Variants in CTNND2 observed in about 807,000 individuals in gnomAD.
CTNND2 encodes catenin delta-2.
Under a neutral mutation model 144.4 loss-of-function variants are expected in CTNND2, and 22 were observed. That is an observed-to-expected ratio of 0.15 (90% CI 0.11 to 0.22). CTNND2 has a LOEUF of 0.22. Ranked by LOEUF, CTNND2 falls within the 10% of genes least tolerant of loss-of-function variation. The probability of loss-of-function intolerance (pLI) is 1.00; values close to 1 mark genes in which losing one functional copy is unlikely to be tolerated. For missense variants in CTNND2, 1,353 were observed against 1,618.8 expected (o/e 0.84, Z 2.82); for synonymous variants, 751 against 695.6 (o/e 1.08, Z -1.25).
chr5:11,349,688 T>C (rs887702039), intron 8 of CTNND2, among the ~76,000 whole-genome samples: 13 of 152,182 alleles, frequency 8.5e-5, no homozygotes, highest in African/African-American at 2.9e-4. Context: ...AACCTGAATA[T>C]TATATTGAAA....
At chr5:11,587,959 T>C (rs1778983067) in intron 2 of CTNND2, among the ~76,000 whole-genome samples, 1 of 152,104 alleles carries the variant, frequency 6.6e-6, no homozygotes, top group Non-Finnish European at 1.5e-5. Flanking sequence ...GTGAAATCTA[T>C]GAAGCCATTG....
chr5:11,083,688 A>G (rs1749836647), intron 15 of CTNND2, among the ~76,000 whole-genome samples: 1 of 152,268 alleles, frequency 6.6e-6, no homozygotes, highest in Admixed American at 6.5e-5. Context: ...GTACAATATA[A>G]AAATTCACAA....
At chr5:11,719,037 G>C (rs905682926) in intron 2 of CTNND2, among the ~76,000 whole-genome samples, 2 of 152,310 alleles carry the variant, frequency 1.3e-5, no homozygotes, top group Admixed American at 1.3e-4. Flanking sequence ...TTTGTAAAAT[G>C]TGTGTTATTA....
Position 11,098,672 on chromosome 5 carries a change from A to C in CTNND2, c.2540T>G (p.Val847Gly). Residue 847 changes from valine (V) to glycine (G), a missense_variant, in exon 15 of 22, where the codon GTC becomes GGC. By Grantham distance (109) the Val-to-Gly change is moderately radical. Transcript: ENST00000304623. ...GIQMLWHPSI[V>G]KPYLTLLSEC... The stretch of plus-strand genomic sequence containing the variant: ...AGAGAGCAGTGTGAGGTAGGGTTTG[A>C]CTATTGATGGGTGCCACAGCATCTG... 6.2e-7 allele frequency: 1 copy of C among 1,614,152 alleles called. No individual in the cohort carries two copies. Among genetic ancestry groups the C allele is most frequent in the Non-Finnish European group, 8.5e-7 (1 of 1,180,006 alleles).
At chr5:11,348,711 C>T (rs949700240) in intron 8 of CTNND2, among the ~76,000 whole-genome samples, 1 of 151,380 alleles carries the variant, frequency 6.6e-6, no homozygotes, top group African/African-American at 2.4e-5. Context: ...ATTTGACTAC[C>T]CACACAAAAA....
chr5:11,327,600 T>C (rs1427687646), intron 9 of CTNND2, among the ~76,000 whole-genome samples: 1 of 152,208 alleles, frequency 6.6e-6, no homozygotes, highest in Admixed American at 6.5e-5. Flanking sequence ...CAAGTGATCC[T>C]GGGGCCTTAT....
chr5:11,660,897 A>C (rs550898777), intron 2 of CTNND2, among the ~76,000 whole-genome samples: 1 of 152,286 alleles, frequency 6.6e-6, no homozygotes, highest in South Asian at 2.1e-4. Flanking sequence ...TTAATTTAAA[A>C]ATCTTGAGAA....
chr5:11,505,175 G>A lies in CTNND2; in HGVS notation c.287+59769C>T, dbSNP rs1403260043. ...ACTGTTAACATTTAAGAAAAAATAC[G>A]ACAAATGATAAGAGGAATCATTAAA... is the stretch of plus-strand genomic sequence containing the variant. On this transcript the variant is annotated intron_variant, in intron 3 of 21. Transcript: ENST00000304623. Among the ~76,000 whole-genome samples the A allele has an allele frequency of 7.3e-5, 11 of 150,106 alleles. No homozygotes were observed. The East Asian group carries it at 1.6e-3, about 21-fold the overall frequency.
intron 3 of CTNND2, among the ~76,000 whole-genome samples, chr5:11,458,875 G>A (rs1257524984): frequency 1.3e-5 from 2 of 151,924 alleles, no homozygotes; most frequent in African/African-American, 4.8e-5. Flanking sequence ...AGATCCTCCT[G>A]CCTCAACCTC....
chr5:11,619,294 G>A (rs972435084), intron 2 of CTNND2, among the ~76,000 whole-genome samples: 8 of 152,104 alleles, frequency 5.3e-5, no homozygotes, highest in African/African-American at 1.9e-4. Flanking sequence ...TGTGATCCCA[G>A]CTACTCCGGA....
In CTNND2 at chr5:11,903,452, A is replaced by T; in HGVS notation, c.37+365T>A. 1 of 851,462 alleles carries T rather than the reference A, an allele frequency of 1.2e-6. No homozygotes were observed. Among genetic ancestry groups the T allele is most frequent in the Non-Finnish European group, 1.4e-6 (1 of 691,692 alleles). The allele number at this position is 851,462 out of a possible 1,614,324, so 52.7% of individuals were successfully genotyped here. On this transcript the variant is annotated intron_variant, in intron 1 of 21. Transcript: ENST00000304623. The surrounding 1 kb of genome is among the most constrained non-coding windows in gnomAD (Gnocchi z 5.4). ...CCACCCCCACCCCGTCTCCTCCCGTATATTAGGGACGTCATGAATGCACCG... is the reference window on the plus strand; with the variant it reads ...CCACCCCCACCCCGTCTCCTCCCGTTTATTAGGGACGTCATGAATGCACCG...
intron 3 of CTNND2, among the ~76,000 whole-genome samples, chr5:11,474,656 C>A (rs183913624): frequency 6.6e-6 from 1 of 152,230 alleles, no homozygotes; most frequent in African/African-American, 2.4e-5. Context: ...TTCCTTGAAG[C>A]ACCATTGTGA....
chr5:11,360,547 G>C (rs1287653459), intron 8 of CTNND2, among the ~76,000 whole-genome samples: 2 of 152,070 alleles, frequency 1.3e-5, no homozygotes, highest in Non-Finnish European at 2.9e-5. Context: ...AATGAGGAGT[G>C]ATCACACTCA....
intron 7 of CTNND2, among the ~76,000 whole-genome samples, chr5:11,380,034 TC>T (rs1422197680): frequency 6.6e-6 from 1 of 152,184 alleles, no homozygotes; most frequent in Non-Finnish European, 1.5e-5. Flanking sequence ...TTCTAGTTGC[TC>T]CTTTATAGCT....
At chr5:11,480,966 T>C (rs1768202614) in intron 3 of CTNND2, among the ~76,000 whole-genome samples, 1 of 152,110 alleles carries the variant, frequency 6.6e-6, no homozygotes, top group African/African-American at 2.4e-5. Context: ...GGCTCCTATA[T>C]ACACTCATCG....
At chr5:11,537,834 AT>A (rs1260297944) in intron 3 of CTNND2, among the ~76,000 whole-genome samples, 47 of 152,330 alleles carry the variant, frequency 3.1e-4, no homozygotes, top group African/African-American at 1.1e-3. Context: ...TAAAATACCT[AT>A]TCACAAACTA....
chr5:11,014,242 A>G (rs931404993), intron 18 of CTNND2, among the ~76,000 whole-genome samples: 3 of 152,182 alleles, frequency 2.0e-5, no homozygotes, highest in Non-Finnish European at 4.4e-5. Context: ...CTTCAAAACC[A>G]GCCATCCTGA....
chr5:11,144,147 G>GGGGCAGTCCCCAGGTCTACACC (rs1757024228), intron 12 of CTNND2, among the ~76,000 whole-genome samples: 1 of 111,676 alleles, frequency 9.0e-6, no homozygotes, highest in Non-Finnish European at 1.9e-5. Context: ...GGGTTTCTAT[G>GGGGCAGTCCCCAGGTCTACACC]AGCAGATCCT....
intron 3 of CTNND2, among the ~76,000 whole-genome samples, chr5:11,432,049 TTTTA>T (rs1167878507): frequency 6.6e-6 from 1 of 151,992 alleles, no homozygotes; most frequent in African/African-American, 2.4e-5. Context: ...AAATTTTCTA[TTTTA>T]TTTAATTGTT....
Sources: gnomAD v4.1 joint callset for allele counts (sites outside exome capture counted in the v4.1 genomes callset) on GRCh38, gnomAD v4.1.1 for gene constraint, Gnocchi (gnomAD v3.1) non-coding constraint, MANE v1.5 for transcripts, NCBI Gene and HGNC (gene_info 2026-07-23, HGNC 2026-07-21) for gene names.